The following DTL variants were observed in gnomAD, a reference collection of about 807,000 sequenced individuals.
DTL encodes the protein denticleless E3 ubiquitin protein ligase adapter.
Under a neutral mutation model 87.0 loss-of-function variants are expected in DTL, and 46 were observed. That is an observed-to-expected ratio of 0.53 (90% CI 0.42 to 0.68). DTL has a LOEUF of 0.68. Ranked by LOEUF, DTL falls within the 30% of genes least tolerant of loss-of-function variation. The pLI is 0.00. For missense variants in DTL, 737 were observed against 869.4 expected, an observed-to-expected ratio of 0.85 and a Z score of 1.91; for synonymous variants, 308 against 311.2, an observed-to-expected ratio of 0.99 and a Z score of 0.11.
chr1:212,035,882 C>T lies in DTL; in HGVS notation c.-9C>T. The T allele has an allele frequency of 1.2e-5, 20 of 1,614,114 alleles. No individual in the cohort carries two copies. The highest frequency in any genetic ancestry group is 1.7e-5 in the Non-Finnish European group (20 of 1,179,972). ...TTTTCTCTCAGCTGAGGCTTTTCCT[C>T]CGACCCTGATGCTCTTCAATTCGGT... On this transcript the variant is annotated 5_prime_UTR_variant, in exon 1 of 15. Transcript: ENST00000366991.
At chr1:212,065,338 G>A (rs989032987) in intron 7 of DTL, among the ~76,000 whole-genome samples, 1 of 151,886 alleles carries the variant, frequency 6.6e-6, no homozygotes, top group African/African-American at 2.4e-5. Context: ...ATGCCATTAA[G>A]CAGAAAGTGG....
intron 1 of DTL, 75 bp from the exon 2 acceptor site, chr1:212,042,918 T>C (rs1667698453): frequency 7.1e-7 from 1 of 1,407,624 alleles, no homozygotes; most frequent in South Asian, 1.5e-5. Flanking sequence ...AGGACAAATA[T>C]TTACCTCTGA....
At chr1:212,084,180 C>T (rs1655062454) in intron 13 of DTL, among the ~76,000 whole-genome samples, 1 of 148,816 alleles carries the variant, frequency 6.7e-6, no homozygotes, top group Admixed American at 6.7e-5. Flanking sequence ...TTGCTCTTTG[C>T]TTTTTTTAAT....
intron 13 of DTL, among the ~76,000 whole-genome samples, chr1:212,090,846 C>G (rs940386924): frequency 1.1e-4 from 16 of 152,328 alleles, no homozygotes; most frequent in African/African-American, 3.1e-4. Context: ...TCTCCTTTAA[C>G]AGATATAGAA....
At chr1:212,044,003 C>T (rs1457598546) in intron 2 of DTL, among the ~76,000 whole-genome samples, 1 of 152,140 alleles carries the variant, frequency 6.6e-6, no homozygotes, top group African/African-American at 2.4e-5. Context: ...GCAAGAGAAT[C>T]GCTTGAACCT....
chr1:212,065,571 A>C (rs540334978), intron 7 of DTL, among the ~76,000 whole-genome samples: 2 of 152,100 alleles, frequency 1.3e-5, no homozygotes, highest in Non-Finnish European at 2.9e-5. Context: ...CACACACACA[A>C]ACACACCCCT....
chr1:212,058,850 G>A (rs1426443201), intron 5 of DTL, among the ~76,000 whole-genome samples: 1 of 151,876 alleles, frequency 6.6e-6, no homozygotes, highest in Non-Finnish European at 1.5e-5. Flanking sequence ...AATGAAAAAG[G>A]AAACATTGCA....
chr1:212,095,203 C>T (rs1361601217), intron 13 of DTL, among the ~76,000 whole-genome samples: 1 of 152,098 alleles, frequency 6.6e-6, no homozygotes, highest in Non-Finnish European at 1.5e-5. Flanking sequence ...AACTTTTCCC[C>T]GTTCAGTATA....
rs1281287144 is a variant in DTL, at chr1:212,102,829, TTTC to T, written c.2095-5_2095-3del. 9 of 1,578,436 alleles carry T rather than the reference TTTC, an allele frequency of 5.7e-6. No homozygotes were observed. Among genetic ancestry groups the T allele is most frequent in the Non-Finnish European group, 7.8e-6 (9 of 1,150,188 alleles). On this transcript the variant is annotated splice_polypyrimidine_tract_variant and intron_variant, in intron 14 of 14. Transcript: ENST00000366991. ...TCAAGGAAATCTCTGAAATCTAAAC[TTTC>T]TTCTTCTAGGTCACCATCACGCCCA...
At chr1:212,098,268 C>T (rs1655507196) in intron 13 of DTL, among the ~76,000 whole-genome samples, 1 of 152,136 alleles carries the variant, frequency 6.6e-6, no homozygotes, top group Non-Finnish European at 1.5e-5. Context: ...CAAGATGTTA[C>T]AGGCAGTAGA....
At chr1:212,036,166 G>T (rs1667449805) in intron 1 of DTL, among the ~76,000 whole-genome samples, 1 of 152,134 alleles carries the variant, frequency 6.6e-6, no homozygotes, top group African/African-American at 2.4e-5. Context: ...ACGTAGGCAG[G>T]GACGTCGAAA....
chr1:212,052,475 A>G (rs1469253850), intron 5 of DTL, among the ~76,000 whole-genome samples: 2 of 151,920 alleles, frequency 1.3e-5, no homozygotes, highest in Non-Finnish European at 1.5e-5. Context: ...CATCTTTACT[A>G]AAAATACAAA....
chr1:212,088,242 G>A (rs116609266), intron 13 of DTL, among the ~76,000 whole-genome samples: 4,197 of 152,244 alleles, frequency 0.028, 148 homozygotes, highest in East Asian at 0.12. Flanking sequence ...TACCTATTCT[G>A]CCTCAGTTGC....
rs531012764 is a variant in DTL at position 212,043,020 on chromosome 1, C to T, written c.80C>T (p.Ser27Phe). The part of the protein sequence containing the change: ...NGWSSQYPLQ[S>F]LLTGYQCSGN... ...TGGTCTTCACAATACCCTCTTCAAT[C>T]CCTTCTGACTGGTTATCAGTGCAGT... Residue 27 changes from serine to phenylalanine, a missense_variant, in exon 2 of 15, where the codon TCC becomes TTC. Physicochemically the swap from Ser to Phe is radical, Grantham distance 155 (BLOSUM62 -2). Coordinates refer to ENST00000366991, the MANE Select transcript of DTL (RefSeq NM_016448.4). 1 of 1,611,280 alleles carries T rather than the reference C, an allele frequency of 6.2e-7. No homozygotes were observed. Among genetic ancestry groups the T allele is most frequent in the South Asian group, 1.1e-5 (1 of 90,512 alleles).
In DTL at chr1:212,062,949, G is replaced by T; in HGVS notation, c.526G>T (p.Asp176Tyr). Residue 176 changes from aspartate (D) to tyrosine (Y), a missense_variant and splice_region_variant, in exon 6 of 15, where the codon GAT becomes TAT. Physicochemically the swap from Asp to Tyr is radical, Grantham distance 160. Coordinates refer to ENST00000366991, the MANE Select transcript of DTL (RefSeq NM_016448.4). ...CTGGGATACCAGGTGCAACAAAAAAGGTTATCTAGATCTATTTTAATTTTG... is the reference window on the plus strand; with the variant it reads ...CTGGGATACCAGGTGCAACAAAAAATGTTATCTAGATCTATTTTAATTTTG... ...MVWDTRCNKKDGFYRQVNQIS... is the reference protein window; with the variant it reads ...MVWDTRCNKKYGFYRQVNQIS... 1.9e-6 allele frequency: 3 copies of T among 1,609,976 alleles called. No individual in the cohort carries two copies. Among genetic ancestry groups the T allele is most frequent in the South Asian group, 1.1e-5 (1 of 90,978 alleles).
chr1:212,045,769 G>A (rs1667792061), intron 3 of DTL, among the ~76,000 whole-genome samples: 1 of 152,202 alleles, frequency 6.6e-6, no homozygotes, highest in South Asian at 2.1e-4. Context: ...GATATAATAG[G>A]AAGTGACCAA....
chr1:212,060,087 G>T (rs564632583), intron 5 of DTL, among the ~76,000 whole-genome samples: 1 of 152,066 alleles, frequency 6.6e-6, no homozygotes, highest in South Asian at 2.1e-4. Flanking sequence ...TTTTAAAATG[G>T]CCATACTACC....
intron 5 of DTL, among the ~76,000 whole-genome samples, chr1:212,062,675 C>T (rs139475840): frequency 2.0e-5 from 3 of 152,142 alleles, no homozygotes; most frequent in Non-Finnish European, 2.9e-5. Context: ...AGGGGTGATT[C>T]TATGAAGTTT....
intron 13 of DTL, among the ~76,000 whole-genome samples, chr1:212,082,394 G>T (rs1655012973): frequency 6.6e-6 from 1 of 152,132 alleles, no homozygotes; most frequent in African/African-American, 2.4e-5. Context: ...GGAGAAAGAA[G>T]CAGGGTTGAA....
Sources: allele counts gnomAD v4.1 joint callset (sites outside exome capture counted in the v4.1 genomes callset), GRCh38; gene constraint gnomAD v4.1.1; transcripts MANE v1.5; gene names NCBI Gene and HGNC (gene_info 2026-07-23, HGNC 2026-07-21).